PLCG2: variants seen among roughly 807,000 people sequenced by gnomAD.
The protein encoded by PLCG2 is 1-phosphatidylinositol 4,5-bisphosphate phosphodiesterase gamma-2.
Under a neutral mutation model 175.6 loss-of-function variants are expected in PLCG2, and 69 were observed. The ratio of observed to expected loss-of-function variants is 0.39; its 90% CI spans 0.32 to 0.48. PLCG2 has a LOEUF of 0.48. Among genes scored for constraint, PLCG2 ranks in the 20% least tolerant of loss-of-function variants. The probability of loss-of-function intolerance (pLI) is 0.91; values close to 1 mark genes in which losing one functional copy is unlikely to be tolerated. For missense variants in PLCG2, 1,798 were observed against 1,650.9 expected, an observed-to-expected ratio of 1.09 and a Z score of -1.54; for synonymous variants, 827 against 624.0, an observed-to-expected ratio of 1.33 and a Z score of -4.85.
intron 14 of PLCG2, among the ~76,000 whole-genome samples, chr16:81,902,350 C>T (rs117621599): frequency 1.1e-3 from 162 of 152,286 alleles, no homozygotes; most frequent in Non-Finnish European, 1.8e-3. Context: ...TGATTTCTCA[C>T]GGTTCTGGAG....
At chr16:81,823,831 ATTCTT>A (rs1462602047) in intron 2 of PLCG2, among the ~76,000 whole-genome samples, 5 of 151,304 alleles carry the variant, frequency 3.3e-5, no homozygotes, top group South Asian at 4.2e-4. Context: ...CACCCAGACA[ATTCTT>A]TTCTTTTCTT....
chr16:81,792,946 G>A (rs1911305165), intron 2 of PLCG2, among the ~76,000 whole-genome samples: 1 of 152,196 alleles, frequency 6.6e-6, no homozygotes, highest in Non-Finnish European at 1.5e-5. Flanking sequence ...TATCTGTCAA[G>A]TGAGATAATA....
intron 19 of PLCG2, among the ~76,000 whole-genome samples, chr16:81,918,402 TTTC>T (rs755519603): frequency 6.6e-6 from 1 of 152,196 alleles, no homozygotes; most frequent in Non-Finnish European, 1.5e-5. Context: ...ATGGTCTAGT[TTTC>T]TTCTTTCGAA....
chr16:81,900,314 T>C (rs137863303), intron 13 of PLCG2, among the ~76,000 whole-genome samples: 168 of 152,076 alleles, frequency 1.1e-3, no homozygotes, highest in African/African-American at 3.9e-3. Context: ...AAAAAAAGAT[T>C]AGAGACTTTT....
At chr16:81,802,586 A>T (rs948177231) in intron 2 of PLCG2, among the ~76,000 whole-genome samples, 1 of 151,368 alleles carries the variant, frequency 6.6e-6, no homozygotes, top group Admixed American at 6.6e-5. Context: ...TTTTGTTTTG[A>T]GACTGAGTGG....
chr16:81,893,961 CT>C lies in PLCG2; in HGVS notation c.1072+184del, dbSNP rs74264894. ...TGTTTCTTTGTTTTCTTTTTTCTTTCTTTTTTTTTTTTTTTTTGAGACGGAG... is the reference window on the plus strand; with the variant it reads ...TGTTTCTTTGTTTTCTTTTTTCTTTCTTTTTTTTTTTTTTTTGAGACGGAG... On this transcript the variant is annotated intron_variant, in intron 12 of 32. Coordinates refer to ENST00000564138, the MANE Select transcript of PLCG2 (RefSeq NM_002661.5). Among the ~76,000 whole-genome samples, 1,204 of 134,534 alleles carry C rather than the reference CT, an allele frequency of 8.9e-3. 9 individuals are homozygous for C. The highest frequency in any genetic ancestry group is 0.026 in the African/African-American group (915 of 35,774). The allele number at this position is 134,534 out of a possible 152,430, so 88.3% of individuals were successfully genotyped here.
intron 5 of PLCG2, among the ~76,000 whole-genome samples, chr16:81,859,604 A>G (rs79281920): frequency 0.14 from 20,897 of 150,956 alleles, 1,682 homozygotes; most frequent in Middle Eastern, 0.2. Flanking sequence ...GCATGATCTC[A>G]GCTCACTGCG....
intron 12 of PLCG2, among the ~76,000 whole-genome samples, chr16:81,894,830 G>A (rs1007887465): frequency 3.3e-5 from 5 of 151,902 alleles, no homozygotes; most frequent in Non-Finnish European, 5.9e-5. Context: ...CTGAGATCGC[G>A]CCGCTGCACG....
At chr16:81,850,123 A>T (rs186675220) in intron 2 of PLCG2, among the ~76,000 whole-genome samples, 21 of 152,348 alleles carry the variant, frequency 1.4e-4, no homozygotes. Context: ...GATAAGATGT[A>T]TGCATTTTAT....
chr16:81,829,796 A>G (rs1271711880), intron 2 of PLCG2, among the ~76,000 whole-genome samples: 1 of 152,162 alleles, frequency 6.6e-6, no homozygotes, highest in Non-Finnish European at 1.5e-5. Context: ...ATTTGTGCTG[A>G]GTCCCTTTCT....
intron 2 of PLCG2, among the ~76,000 whole-genome samples, chr16:81,829,077 T>G (rs1597341815): frequency 6.6e-6 from 1 of 152,292 alleles, no homozygotes; most frequent in Non-Finnish European, 1.5e-5. Flanking sequence ...TCTGTGATTT[T>G]CATTCATTAA....
intron 2 of PLCG2, among the ~76,000 whole-genome samples, chr16:81,799,979 G>T (rs1911650171): frequency 6.6e-6 from 1 of 152,188 alleles, no homozygotes; most frequent in Non-Finnish European, 1.5e-5. Context: ...TCCAGGGTCT[G>T]ACTGCCTGGG....
intron 1 of PLCG2, among the ~76,000 whole-genome samples, chr16:81,750,116 C>T (rs1909777956): frequency 6.6e-6 from 1 of 151,900 alleles, no homozygotes; most frequent in African/African-American, 2.4e-5. Flanking sequence ...TGTATAAGAT[C>T]CAGCAATTTG....
intron 3 of PLCG2, among the ~76,000 whole-genome samples, chr16:81,855,043 C>G (rs1906613106): frequency 6.6e-6 from 1 of 151,898 alleles, no homozygotes; most frequent in Non-Finnish European, 1.5e-5. Context: ...AACCCTGTCT[C>G]TACTAAAAAT....
chr16:81,746,380 G>T (rs1909706676), intron 1 of PLCG2, among the ~76,000 whole-genome samples: 1 of 152,196 alleles, frequency 6.6e-6, no homozygotes, highest in Non-Finnish European at 1.5e-5. Context: ...CGGAAGCATG[G>T]CCGCAGCGGT....
chr16:81,754,160 A>G (rs770345899), intron 1 of PLCG2, among the ~76,000 whole-genome samples: 117 of 151,856 alleles, frequency 7.7e-4, no homozygotes, highest in Non-Finnish European at 6.6e-4. Flanking sequence ...TGCCGCCTCC[A>G]TCTCCATCTC....
chr16:81,939,032 C>G (rs947115993), intron 29 of PLCG2, 117 bp downstream of exon 29: 6 of 655,976 alleles, frequency 9.1e-6, no homozygotes, highest in Admixed American at 5.0e-5. Context: ...GTTTTCTTTC[C>G]TCCCTCTTGC....
intron 7 of PLCG2, among the ~76,000 whole-genome samples, chr16:81,879,216 G>C (rs767875536): frequency 6.6e-6 from 1 of 152,158 alleles, no homozygotes; most frequent in African/African-American, 2.4e-5. Flanking sequence ...GCTGGGTGTG[G>C]GGCTTTGGGC....
chr16:81,889,151 C>G (rs147201176), intron 9 of PLCG2, 21 bp from the exon 10 acceptor site: 1 of 1,456,584 alleles, frequency 6.9e-7, no homozygotes, highest in South Asian at 1.2e-5. Flanking sequence ...GCTGATCTCT[C>G]GTTCTCTTTG....
Sources: allele counts gnomAD v4.1 joint callset (sites outside exome capture counted in the v4.1 genomes callset), GRCh38; gene constraint gnomAD v4.1.1; transcripts MANE v1.5; gene names NCBI Gene and HGNC (gene_info 2026-07-23, HGNC 2026-07-21).